CADM2: variants seen among roughly 807,000 people sequenced by gnomAD.
CADM2 encodes the protein cell adhesion molecule 2, also known as immunoglobulin superfamily member 4D.
In CADM2, 12 loss-of-function variants were observed where a neutral mutation model predicts 49.8. That is an observed-to-expected ratio of 0.24 (90% confidence interval 0.15 to 0.39). CADM2 has a LOEUF of 0.39. CADM2 is among the 10% of genes least tolerant of loss of function. The pLI, the probability that CADM2 is intolerant of heterozygous loss-of-function variation, is 1.00. For synonymous variants in CADM2, 214 were observed against 175.4 expected (o/e 1.22, Z -1.74); for missense variants, 378 against 492.3 (o/e 0.77, Z 2.20).
At chr3:85,036,998 A>T in intron 1 of CADM2, among the ~76,000 whole-genome samples, 1 of 61,664 alleles carries the variant, frequency 1.6e-5, no homozygotes. Flanking sequence ...CTAAAAATAG[A>T]AAAAAAAAAA....
At chr3:85,883,810 C>T (rs1180401277) in intron 4 of CADM2, among the ~76,000 whole-genome samples, 2 of 152,032 alleles carry the variant, frequency 1.3e-5, no homozygotes, top group Non-Finnish European at 2.9e-5. Context: ...ATAATGAGTT[C>T]AACTTGTGTT....
At chr3:85,492,522 G>T (rs2039716655) in intron 1 of CADM2, among the ~76,000 whole-genome samples, 1 of 151,992 alleles carries the variant, frequency 6.6e-6, no homozygotes, top group Non-Finnish European at 1.5e-5. Flanking sequence ...AACCCAGGAG[G>T]CAGAGGTTGC....
chr3:85,233,685 G>A (rs1214065671), intron 1 of CADM2, among the ~76,000 whole-genome samples: 1 of 152,032 alleles, frequency 6.6e-6, no homozygotes, highest in African/African-American at 2.4e-5. Flanking sequence ...TTGATAAGCA[G>A]CAGAACGATT....
chr3:85,219,675 C>T (rs1395655284), intron 1 of CADM2, among the ~76,000 whole-genome samples: 1 of 150,442 alleles, frequency 6.6e-6, no homozygotes, highest in African/African-American at 2.5e-5. Flanking sequence ...TACATGGTGA[C>T]CTTGATATTG....
intron 1 of CADM2, among the ~76,000 whole-genome samples, chr3:85,658,450 T>C (rs913092451): frequency 6.6e-6 from 1 of 151,658 alleles, no homozygotes; most frequent in African/African-American, 2.4e-5. Flanking sequence ...CAGTCTGTAC[T>C]ACTTTGTTAT....
chr3:85,179,478 G>C (rs758469119), intron 1 of CADM2, among the ~76,000 whole-genome samples: 14 of 151,758 alleles, frequency 9.2e-5, no homozygotes, highest in Non-Finnish European at 1.6e-4. Flanking sequence ...ATGTATTTGT[G>C]ATATGTAGCA....
At chr3:85,466,831 A>G (rs961940093) in intron 1 of CADM2, among the ~76,000 whole-genome samples, 5 of 152,080 alleles carry the variant, frequency 3.3e-5, no homozygotes, top group Non-Finnish European at 5.9e-5. Context: ...ATTTTCAGAC[A>G]GTCTTGGAAA....
intron 7 of CADM2, among the ~76,000 whole-genome samples, chr3:85,947,401 G>GT (rs775305711): frequency 2.4e-4 from 36 of 151,712 alleles, no homozygotes; most frequent in Non-Finnish European, 3.8e-4. Context: ...GTGTGTGTCT[G>GT]TGTGTGTGTT....
At chr3:85,193,649 C>T (rs1323672813) in intron 1 of CADM2, among the ~76,000 whole-genome samples, 2 of 151,990 alleles carry the variant, frequency 1.3e-5, no homozygotes, top group Non-Finnish European at 2.9e-5. Flanking sequence ...ACTTTTCCTA[C>T]CCTAGGTTTT....
At chr3:85,123,113 T>C (rs573536334) in intron 1 of CADM2, among the ~76,000 whole-genome samples, 2 of 152,296 alleles carry the variant, frequency 1.3e-5, no homozygotes, top group South Asian at 4.1e-4. Flanking sequence ...TCCTACTTTT[T>C]TTCCCATGCT....
intron 1 of CADM2, among the ~76,000 whole-genome samples, chr3:84,976,060 A>C (rs2031796946): frequency 6.6e-6 from 1 of 151,886 alleles, no homozygotes; most frequent in South Asian, 2.1e-4. Context: ...AATTATGAAG[A>C]AACCTAATGG....
At chr3:85,603,649 T>C (rs572207612) in intron 1 of CADM2, among the ~76,000 whole-genome samples, 1 of 152,034 alleles carries the variant, frequency 6.6e-6, no homozygotes, top group Admixed American at 6.6e-5. Context: ...AATTTTAGTT[T>C]TATTAGTACC....
At position 86,071,446 on chromosome 3, in the gene CADM2, T is replaced by C. The variant is rs1739860048; in HGVS notation, c.*4663T>C. 6.6e-6 allele frequency: 1 copy of C among 151,778 alleles called. No individual in the cohort carries two copies. The allele number at this position is 151,778 out of a possible 1,614,324, so 9.4% of individuals were successfully genotyped here. ...AGTTAAAGGGGACAACATATAACAA[T>C]GGGTTCTAAAATCATCAGCATTTTT... On this transcript the variant is annotated 3_prime_UTR_variant, in exon 10 of 10. Coordinates refer to ENST00000383699, the MANE Select transcript of CADM2 (RefSeq NM_001167675.2).
chr3:85,815,173 G>C (rs567872611), intron 3 of CADM2, among the ~76,000 whole-genome samples: 154 of 152,188 alleles, frequency 1.0e-3, no homozygotes, highest in Non-Finnish European at 8.2e-4. Context: ...GGTACAAAAA[G>C]GAGCTGGTAC....
chr3:85,701,373 A>G (rs1441517086), intron 1 of CADM2, among the ~76,000 whole-genome samples: 1 of 152,200 alleles, frequency 6.6e-6, no homozygotes, highest in Non-Finnish European at 1.5e-5. Flanking sequence ...TAGCCTCAGA[A>G]GTAATGTGGC....
intron 1 of CADM2, among the ~76,000 whole-genome samples, chr3:85,104,984 G>A (rs892979417): frequency 6.6e-6 from 1 of 152,094 alleles, no homozygotes; most frequent in Non-Finnish European, 1.5e-5. Context: ...AGACGATGGG[G>A]TTTTCTAAAT....
At chr3:85,147,090 C>T (rs1032039584) in intron 1 of CADM2, among the ~76,000 whole-genome samples, 23 of 151,758 alleles carry the variant, frequency 1.5e-4, no homozygotes, top group Non-Finnish European at 8.8e-5. Flanking sequence ...CTGGCTAACA[C>T]GGTGAAACCT....
chr3:86,052,765 A>C (rs896843167), intron 8 of CADM2, among the ~76,000 whole-genome samples: 1 of 152,114 alleles, frequency 6.6e-6, no homozygotes, highest in Non-Finnish European at 1.5e-5. Context: ...CAATCTATTA[A>C]TTCATAGAGT....
At chr3:85,783,491 C>A (rs1044029371) in intron 2 of CADM2, among the ~76,000 whole-genome samples, 1 of 152,158 alleles carries the variant, frequency 6.6e-6, no homozygotes. Flanking sequence ...GTAGAAACAT[C>A]TGCTGGATTC....
Sources: gnomAD v4.1 joint callset for allele counts (sites outside exome capture counted in the v4.1 genomes callset) on GRCh38, gnomAD v4.1.1 for gene constraint, MANE v1.5 for transcripts, NCBI Gene and HGNC (gene_info 2026-07-23, HGNC 2026-07-21) for gene names.